CCDC192: variants seen among roughly 807,000 people sequenced by gnomAD.
CCDC192 encodes coiled-coil domain containing 192, also known as coiled-coil domain-containing protein 192.
intron 6 of CCDC192, among the ~76,000 whole-genome samples, chr5:127,888,572 T>C (rs1003821467): frequency 6.6e-6 from 1 of 151,976 alleles, no homozygotes; most frequent in Non-Finnish European, 1.5e-5. Flanking sequence ...CAGGAGAAAA[T>C]GGAAATGCCA....
At chr5:127,749,324 G>T (rs1205156576) in intron 2 of CCDC192, among the ~76,000 whole-genome samples, 1 of 152,156 alleles carries the variant, frequency 6.6e-6, no homozygotes, top group East Asian at 1.9e-4. Flanking sequence ...TAGCATGAAA[G>T]GTTGTTGAAT....
At chr5:127,716,338 G>A (rs1751621762) in intron 2 of CCDC192, among the ~76,000 whole-genome samples, 1 of 152,122 alleles carries the variant, frequency 6.6e-6, no homozygotes, top group Non-Finnish European at 1.5e-5. Flanking sequence ...AGGAATACTA[G>A]CCTGTAGTTT....
At chr5:127,886,842 A>T (rs1016487058) in intron 6 of CCDC192, among the ~76,000 whole-genome samples, 12 of 152,170 alleles carry the variant, frequency 7.9e-5, no homozygotes, top group African/African-American at 2.9e-4. Flanking sequence ...TAACTCAAAA[A>T]GGTAGATTGC....
chr5:127,841,170 C>G (rs1422845884), intron 5 of CCDC192, among the ~76,000 whole-genome samples: 1 of 152,150 alleles, frequency 6.6e-6, no homozygotes, highest in Admixed American at 6.5e-5. Context: ...CCTTAAGAGG[C>G]AAATTAGTAT....
rs538403536 is a variant in CCDC192 at position 127,704,883 on chromosome 5, A to C, written c.62+1376A>C. Among the ~76,000 whole-genome samples, 1,071 of 133,688 alleles carry C rather than the reference A, an allele frequency of 8.0e-3. 14 individuals carry two copies. The highest frequency in any genetic ancestry group is 0.027 in the African/African-American group (952 of 35,142). 87.7% of individuals were successfully genotyped at this position (133,688 alleles called of 152,430 possible). ...TAAATAAATAAATAAATAAATAAAT[A>C]AATCATTTATTCACCCAGGCTAATT... is the stretch of plus-strand genomic sequence containing the variant. On this transcript the variant is annotated intron_variant, in intron 1 of 6. Coordinates refer to ENST00000514853, the MANE Select transcript of CCDC192 (RefSeq NM_001317938.2).
chr5:127,881,858 C>T (rs1164338270), intron 6 of CCDC192, among the ~76,000 whole-genome samples: 2 of 152,204 alleles, frequency 1.3e-5, no homozygotes, highest in Admixed American at 1.3e-4. Context: ...CTCAGTAAAA[C>T]ACCTATTGTA....
intron 5 of CCDC192, among the ~76,000 whole-genome samples, chr5:127,817,986 T>G (rs1039602539): frequency 1.6e-4 from 24 of 152,196 alleles, no homozygotes; most frequent in African/African-American, 5.5e-4. Flanking sequence ...TCAAAGTTCA[T>G]GACCTTGCTT....
At chr5:127,872,706 T>A (rs1411203974) in intron 5 of CCDC192, among the ~76,000 whole-genome samples, 2 of 152,164 alleles carry the variant, frequency 1.3e-5, no homozygotes, top group Non-Finnish European at 2.9e-5. Context: ...AACATCTGCC[T>A]CCTCATGGTT....
intron 6 of CCDC192, among the ~76,000 whole-genome samples, chr5:127,921,161 AAAG>A (rs1368006283): frequency 7.0e-6 from 1 of 142,914 alleles, no homozygotes; most frequent in Admixed American, 6.8e-5. Context: ...GGAAAGGAGA[AAAG>A]AAAAGAAAAG....
chr5:127,808,208 A>C (rs542560649), intron 5 of CCDC192, among the ~76,000 whole-genome samples: 1 of 152,148 alleles, frequency 6.6e-6, no homozygotes, highest in Non-Finnish European at 1.5e-5. Flanking sequence ...TGAGTATTTT[A>C]TGTTAGGGCA....
chr5:127,909,962 A>G (rs1242654409), intron 6 of CCDC192, among the ~76,000 whole-genome samples: 1 of 152,204 alleles, frequency 6.6e-6, no homozygotes, highest in Non-Finnish European at 1.5e-5. Context: ...AAATGTGCTC[A>G]TTTTAATTTG....
chr5:127,786,295 A>C (rs1756531989), intron 3 of CCDC192: 2 of 636,860 alleles, frequency 3.1e-6, no homozygotes, highest in Non-Finnish European at 5.8e-6. Context: ...GTTCTGCTGC[A>C]AGAATTCAGT....
chr5:127,785,118 C>T (rs1344693549), intron 3 of CCDC192: 4 of 519,888 alleles, frequency 7.7e-6, no homozygotes, highest in African/African-American at 1.9e-5. Context: ...GCAGGATTGC[C>T]GTCTGGAATG....
chr5:127,786,104 T>C (rs537200040), intron 3 of CCDC192: 54 of 991,268 alleles, frequency 5.4e-5, no homozygotes, highest in Admixed American at 2.4e-4. Flanking sequence ...AAATCTTCAT[T>C]TTTGTCAGCA....
At chr5:127,900,704 T>A (rs1056645511) in intron 6 of CCDC192, among the ~76,000 whole-genome samples, 1 of 152,142 alleles carries the variant, frequency 6.6e-6, no homozygotes, top group Non-Finnish European at 1.5e-5. Flanking sequence ...TAAATTAAAT[T>A]GACAATGTTC....
chr5:127,792,992 A>G (rs933791518), intron 3 of CCDC192, among the ~76,000 whole-genome samples: 1 of 152,226 alleles, frequency 6.6e-6, no homozygotes, highest in Middle Eastern at 3.2e-3. Context: ...ATTTCAAGCT[A>G]CTATAACAAA....
rs1241099814 is a variant in CCDC192 at position 127,737,973 on chromosome 5, A to G, written c.115-16295A>G. On this transcript the variant is annotated intron_variant, in intron 2 of 6. Coordinates refer to ENST00000514853, the MANE Select transcript of CCDC192 (RefSeq NM_001317938.2). ...TATGTGTGAATTTGATCCTGTCATT[A>G]TGATGTTAGCTGGTTATTTTGCTCG... Among the ~76,000 whole-genome samples the G allele has an allele frequency of 2.6e-5, 4 of 151,300 alleles. No homozygotes were observed. The East Asian group carries it at 5.9e-4, about 22-fold the overall frequency.
At chr5:127,740,488 G>A (rs1319110224) in intron 2 of CCDC192, among the ~76,000 whole-genome samples, 2 of 152,078 alleles carry the variant, frequency 1.3e-5, no homozygotes, top group African/African-American at 4.8e-5. Flanking sequence ...GTAATAAAAG[G>A]GTTTCTCATG....
At chr5:127,726,795 A>T (rs1752349572) in intron 2 of CCDC192, among the ~76,000 whole-genome samples, 1 of 152,144 alleles carries the variant, frequency 6.6e-6, no homozygotes, top group African/African-American at 2.4e-5. Context: ...GGGTAAGGGG[A>T]TCTGCAGACT....
Sources: gnomAD v4.1 joint callset for allele counts (sites outside exome capture counted in the v4.1 genomes callset) on GRCh38, gnomAD v4.1.1 for gene constraint, MANE v1.5 for transcripts, NCBI Gene and HGNC (gene_info 2026-07-23, HGNC 2026-07-21) for gene names.